The following OR51B5 variants were observed in gnomAD, a reference collection of about 807,000 sequenced individuals.
OR51B5 encodes olfactory receptor family 51 subfamily B member 5, also known as olfactory receptor 51B5.
For missense variants in OR51B5, 456 were observed against 374.6 expected (o/e 1.22, Z -1.79); for synonymous variants, 186 against 144.8 (o/e 1.28, Z -2.04).
chr11:5,398,603 A>G (rs2250171), intron 1 of OR51B5, among the ~76,000 whole-genome samples: 24,731 of 152,092 alleles, frequency 0.16, 2,519 homozygotes, highest in African/African-American at 0.29. Context: ...CTCCACCCAA[A>G]TTTCATATTG....
At chr11:5,419,704 A>G (rs921739293) in intron 1 of OR51B5, among the ~76,000 whole-genome samples, 47 of 152,214 alleles carry the variant, frequency 3.1e-4, no homozygotes, top group South Asian at 2.1e-4. Flanking sequence ...TCGAGAAACG[A>G]TGATACTTCA....
chr11:5,505,292 T>C (rs1846355057), intron 1 of OR51B5: 2 of 1,296,168 alleles, frequency 1.5e-6, no homozygotes, highest in African/African-American at 1.5e-5. Context: ...CTTCCAAGGA[T>C]GGAAATTTGG....
intron 1 of OR51B5, among the ~76,000 whole-genome samples, chr11:5,477,100 T>G (rs887417946): frequency 1.3e-5 from 2 of 152,196 alleles, no homozygotes; most frequent in African/African-American, 4.8e-5. Flanking sequence ...AAGGAACTTT[T>G]AGAGGTGATG....
intron 1 of OR51B5, among the ~76,000 whole-genome samples, chr11:5,465,412 G>A (rs533580246): frequency 1.3e-5 from 2 of 152,082 alleles, no homozygotes; most frequent in East Asian, 1.9e-4. Context: ...CTTTTGAGAA[G>A]TGTCAAGCTA....
At chr11:5,395,353 G>A (rs1364526115) in intron 1 of OR51B5, among the ~76,000 whole-genome samples, 4 of 152,130 alleles carry the variant, frequency 2.6e-5, no homozygotes, top group Non-Finnish European at 5.9e-5. Flanking sequence ...AGTTGCTGAA[G>A]GTCCTTTGTT....
intron 1 of OR51B5, chr11:5,430,562 C>T (rs375960077): frequency 2.7e-6 from 1 of 368,472 alleles, no homozygotes. Flanking sequence ...TCCTATTCCT[C>T]CTCAAAATGC....
chr11:5,441,351 G>A, intron 1 of OR51B5: 11 of 1,613,972 alleles, frequency 6.8e-6, no homozygotes, highest in Non-Finnish European at 8.5e-6. Context: ...ATGCAGAGCA[G>A]GCTCCCAAAA....
At chr11:5,487,504 TG>T (rs1262542392) in intron 1 of OR51B5, among the ~76,000 whole-genome samples, 4 of 152,176 alleles carry the variant, frequency 2.6e-5, no homozygotes, top group African/African-American at 9.7e-5. Context: ...AAATTGAGAC[TG>T]TCCAGATAAG....
In OR51B5 at chr11:5,463,401, C is replaced by G. The variant is rs76790405; in HGVS notation, n.84+42168G>C. Among the ~76,000 whole-genome samples, 35 of 152,284 alleles carry G rather than the reference C, an allele frequency of 2.3e-4. No homozygotes were observed. In the East Asian group the frequency reaches 6.7e-3, roughly 29 times the overall value. On this transcript the variant is annotated intron_variant and non_coding_transcript_variant, in intron 1 of 4. Coordinates refer to the OR51B5 transcript ENST00000415970. ...GGTATGGATGACATACTGATCTCAA[C>G]TAATAGAAATGCAAACAGCAGTACT...
At chr11:5,439,183 G>T (rs554635785) in intron 1 of OR51B5, among the ~76,000 whole-genome samples, 25 of 152,108 alleles carry the variant, frequency 1.6e-4, no homozygotes, top group African/African-American at 5.8e-4. Context: ...TCAATGTCAA[G>T]TAGTTTGGCA....
chr11:5,350,865 T>A (rs897380716), intron 1 of OR51B5, among the ~76,000 whole-genome samples: 3 of 152,218 alleles, frequency 2.0e-5, no homozygotes, highest in Non-Finnish European at 4.4e-5. Context: ...TACGTCATTT[T>A]CTAACTACCC....
chr11:5,363,654 T>C (rs894985930), intron 1 of OR51B5, among the ~76,000 whole-genome samples: 4 of 152,196 alleles, frequency 2.6e-5, no homozygotes, highest in Non-Finnish European at 5.9e-5. Flanking sequence ...TGGAATCTTA[T>C]GTGACACAGA....
At chr11:5,384,883 A>C (rs1487286688) in intron 1 of OR51B5, among the ~76,000 whole-genome samples, 1 of 152,144 alleles carries the variant, frequency 6.6e-6, no homozygotes, top group Non-Finnish European at 1.5e-5. Context: ...GAGTTTGACC[A>C]CTGTGGAAAT....
At chr11:5,434,226 C>T (rs1850565799) in intron 1 of OR51B5, among the ~76,000 whole-genome samples, 1 of 152,188 alleles carries the variant, frequency 6.6e-6, no homozygotes, top group African/African-American at 2.4e-5. Context: ...CATTTTGTAA[C>T]ATTCCAGCCC....
At chr11:5,477,647 G>T (rs1421281076) in intron 1 of OR51B5, among the ~76,000 whole-genome samples, 1 of 152,098 alleles carries the variant, frequency 6.6e-6, no homozygotes, top group Non-Finnish European at 1.5e-5. Context: ...GCAGGTCAGT[G>T]GGTGCGCGCA....
upstream of OR51B5, among the ~76,000 whole-genome samples, chr11:5,343,983 G>GTAAAGACT (rs952737084): frequency 2.0e-5 from 3 of 152,130 alleles, no homozygotes; most frequent in African/African-American, 4.8e-5. Flanking sequence ...TTTCCTGCAT[G>GTAAAGACT]TAAAGACTTA....
At chr11:5,477,128 G>T (rs895142886) in intron 1 of OR51B5, among the ~76,000 whole-genome samples, 1 of 152,186 alleles carries the variant, frequency 6.6e-6, no homozygotes, top group Non-Finnish European at 1.5e-5. Context: ...TTATGATATG[G>T]ATTGTAGTGA....
intron 1 of OR51B5, among the ~76,000 whole-genome samples, chr11:5,405,104 C>T (rs1850039395): frequency 6.6e-6 from 1 of 152,096 alleles, no homozygotes; most frequent in African/African-American, 2.4e-5. Flanking sequence ...CTTTTGCAGG[C>T]ATTTAAAATG....
intron 1 of OR51B5, among the ~76,000 whole-genome samples, chr11:5,398,423 C>A (rs956979431): frequency 4.6e-5 from 7 of 152,024 alleles, no homozygotes; most frequent in Non-Finnish European, 1.0e-4. Context: ...CTCTGATCAG[C>A]TTTTTCAAAA....
Sources: allele counts gnomAD v4.1 joint callset (sites outside exome capture counted in the v4.1 genomes callset), GRCh38; gene constraint gnomAD v4.1.1; transcripts MANE v1.5; gene names NCBI Gene and HGNC (gene_info 2026-07-23, HGNC 2026-07-21).